The following ITPR1 variants were observed in gnomAD, a reference collection of about 807,000 sequenced individuals.
ITPR1 encodes the protein inositol 1,4,5-trisphosphate receptor type 1.
In ITPR1, 96 loss-of-function variants were observed where a neutral mutation model predicts 318.4. That is an observed-to-expected ratio of 0.30 (90% CI 0.26 to 0.36). The LOEUF (loss-of-function observed/expected upper bound fraction) is 0.36, where lower values mean the gene tolerates loss of function less well. Among genes scored for constraint, ITPR1 ranks in the 10% least tolerant of loss-of-function variants. The probability of loss-of-function intolerance (pLI) is 1.00; values close to 1 mark genes in which losing one functional copy is unlikely to be tolerated. For synonymous variants in ITPR1, 1,312 were observed against 1,289.9 expected, an observed-to-expected ratio of 1.02 and a Z score of -0.37; for missense variants, 2,440 against 3,460.2, an observed-to-expected ratio of 0.71 and a Z score of 7.40.
chr3:4,626,843 G>A (rs2092843688), intron 4 of ITPR1, among the ~76,000 whole-genome samples: 2 of 152,180 alleles, frequency 1.3e-5, no homozygotes, highest in African/African-American at 4.8e-5. Flanking sequence ...TTTTGAGACA[G>A]AATCTTGTTC....
intron 4 of ITPR1, among the ~76,000 whole-genome samples, chr3:4,615,373 C>CTTT (rs11330102): frequency 3.3e-5 from 4 of 122,814 alleles, no homozygotes; most frequent in Admixed American, 8.4e-5. Context: ...TGATTTCTTT[C>CTTT]TTTTTTTTTT....
In ITPR1 at chr3:4,656,725, T is replaced by G. The variant is rs1479393831; in HGVS notation, c.997-1399T>G. Among the ~76,000 whole-genome samples, 9 of 152,224 alleles carry G rather than the reference T, an allele frequency of 5.9e-5. 1 individual carries two copies. The highest frequency in any genetic ancestry group is 5.9e-4 in the Admixed American group (9 of 15,284). ...GATTTGATTTCCGTTTCTTGATTCT[T>G]TTGTTTTCCTGGTGAAGTCTCCTTC... On this transcript the variant is annotated intron_variant, in intron 12 of 61. Transcript: ENST00000649015.
At chr3:4,665,998 G>C (rs1366103863) in intron 17 of ITPR1, among the ~76,000 whole-genome samples, 1 of 152,132 alleles carries the variant, frequency 6.6e-6, no homozygotes, top group African/African-American at 2.4e-5. Flanking sequence ...GGTGAGGGGA[G>C]GCTAGGGATG....
intron 5 of ITPR1, among the ~76,000 whole-genome samples, chr3:4,633,092 C>T (rs527519158): frequency 2.0e-5 from 3 of 152,136 alleles, no homozygotes; most frequent in South Asian, 2.1e-4. Flanking sequence ...GGGTGCGTCA[C>T]CACGCCCGGC....
At chr3:4,580,073 A>G (rs1302011301) in intron 4 of ITPR1, among the ~76,000 whole-genome samples, 1 of 152,020 alleles carries the variant, frequency 6.6e-6, no homozygotes, top group Admixed American at 6.5e-5. Context: ...AGCTGGGCGT[A>G]GTGGCAGGAG....
chr3:4,767,128 G>A (rs781227302), intron 45 of ITPR1, among the ~76,000 whole-genome samples: 12 of 152,246 alleles, frequency 7.9e-5, no homozygotes, highest in East Asian at 1.9e-4. Context: ...AAGAGAAGTC[G>A]TACTGGGCAG....
chr3:4,508,406 A>G (rs924915220), intron 2 of ITPR1, among the ~76,000 whole-genome samples: 10 of 150,994 alleles, frequency 6.6e-5, no homozygotes, highest in African/African-American at 1.9e-4. Context: ...TCTCAGTTTC[A>G]GGAGTTGTTA....
intron 12 of ITPR1, among the ~76,000 whole-genome samples, chr3:4,657,163 G>A (rs1322481888): frequency 1.3e-5 from 2 of 152,178 alleles, no homozygotes; most frequent in Non-Finnish European, 2.9e-5. Context: ...TCAGGGCTAC[G>A]CTGACTTCTC....
chr3:4,526,102 A>G (rs374182346), intron 4 of ITPR1, among the ~76,000 whole-genome samples: 12 of 152,358 alleles, frequency 7.9e-5, no homozygotes, highest in East Asian at 7.7e-4. Flanking sequence ...CTCTGTTCAC[A>G]TCAAGAGGCC....
At chr3:4,756,420 C>A (rs1284076373) in intron 44 of ITPR1, among the ~76,000 whole-genome samples, 1 of 152,130 alleles carries the variant, frequency 6.6e-6, no homozygotes, top group East Asian at 1.9e-4. Context: ...CAGATTATTT[C>A]ATCACCCAGG....
At position 4,710,388 on chromosome 3, in the gene ITPR1, G is replaced by A. The variant is rs2125280329; in HGVS notation, c.4906G>A (p.Val1636Met). The change falls in exon 38 of 62, where the codon GTG (valine) becomes ATG (methionine). Residue 1636 changes from valine to methionine, a missense_variant. Around this residue, in one of 23 missense-constraint regions of ITPR1, gnomAD observed 166 missense variants for 246.5 expected, o/e 0.67. Transcript: ENST00000649015. The surrounding 1 kb of genome is among the most constrained non-coding windows in gnomAD (Gnocchi z 4.2). ...PLVQAELSVL[V>M]DVLHRPELLF... ...GGTGCAGGCAGAGTTATCTGTGCTC[G>A]TGGATGTTCTCCACAGACCCGAGCT... 6 of 1,565,108 alleles carry A rather than the reference G, an allele frequency of 3.8e-6. No individual in the cohort carries two copies. The highest frequency in any genetic ancestry group is 1.9e-5 in the Admixed American group (1 of 52,888).
intron 44 of ITPR1, among the ~76,000 whole-genome samples, chr3:4,755,021 C>A (rs1245781292): frequency 1.3e-5 from 2 of 152,196 alleles, no homozygotes; most frequent in Non-Finnish European, 2.9e-5. Context: ...TCCTTAACTT[C>A]TTGTTCCTGG....
chr3:4,518,649 T>C (rs1299911266), intron 3 of ITPR1, among the ~76,000 whole-genome samples: 2 of 152,190 alleles, frequency 1.3e-5, no homozygotes, highest in Admixed American at 6.5e-5. Flanking sequence ...ATATAGATGG[T>C]GGTTACCTCC....
intron 2 of ITPR1, among the ~76,000 whole-genome samples, chr3:4,509,028 A>G (rs2081604198): frequency 3.9e-5 from 6 of 152,386 alleles, no homozygotes; most frequent in Middle Eastern, 6.8e-3. Flanking sequence ...TTGAAGGAAC[A>G]AAAACGAATG....
intron 46 of ITPR1, among the ~76,000 whole-genome samples, chr3:4,769,805 A>T (rs1321957413): frequency 6.6e-6 from 1 of 152,204 alleles, no homozygotes; most frequent in Non-Finnish European, 1.5e-5. Context: ...GTCCCTTGCA[A>T]AGTTTCCCAG....
chr3:4,646,337 G>C (rs1368727062), intron 10 of ITPR1, among the ~76,000 whole-genome samples: 9 of 152,240 alleles, frequency 5.9e-5, no homozygotes, highest in African/African-American at 1.7e-4. Flanking sequence ...GAAGGAGATA[G>C]CATCTGATCT....
intron 37 of ITPR1, among the ~76,000 whole-genome samples, chr3:4,709,058 T>A (rs1335187091): frequency 6.6e-6 from 1 of 152,230 alleles, no homozygotes; most frequent in Non-Finnish European, 1.5e-5. Flanking sequence ...ACTTTAATCC[T>A]GTGTAAATAC....
At chr3:4,755,616 A>AG (rs914295935) in intron 44 of ITPR1, among the ~76,000 whole-genome samples, 23 of 152,294 alleles carry the variant, frequency 1.5e-4, no homozygotes, top group Admixed American at 1.4e-3. Context: ...ATCATCATGA[A>AG]GATCCCCTGC....
At chr3:4,559,939 G>C (rs2086511119) in intron 4 of ITPR1, among the ~76,000 whole-genome samples, 1 of 152,150 alleles carries the variant, frequency 6.6e-6, no homozygotes, top group African/African-American at 2.4e-5. Context: ...TTATGTACTG[G>C]TTCAGAGCAT....
Sources: allele counts gnomAD v4.1 joint callset (sites outside exome capture counted in the v4.1 genomes callset), GRCh38; gene constraint gnomAD v4.1.1; regional missense constraint gnomAD v4.1.1; non-coding constraint Gnocchi (gnomAD v3.1); transcripts MANE v1.5; gene names NCBI Gene and HGNC (gene_info 2026-07-23, HGNC 2026-07-21).